RUFY2: variants seen among roughly 807,000 people sequenced by gnomAD.
RUFY2 encodes RUN and FYVE domain containing 2, also known as RUN and FYVE domain-containing protein 2.
RUFY2 carries 49 observed loss-of-function variants against 94.4 expected under a neutral mutation model. The ratio of observed to expected loss-of-function variants is 0.52; its 90% CI spans 0.41 to 0.66. The LOEUF is 0.66. RUFY2 is among the 30% of genes least tolerant of loss of function. The pLI, the probability that RUFY2 is intolerant of heterozygous loss-of-function variation, is 0.00. For synonymous variants in RUFY2, 255 were observed against 235.7 expected (o/e 1.08, Z -0.75); for missense variants, 541 against 692.8 (o/e 0.78, Z 2.46).
At chr10:68,364,932 C>A (rs7068326) in intron 13 of RUFY2, among the ~76,000 whole-genome samples, 16,289 of 150,876 alleles carry the variant, frequency 0.11, 1,048 homozygotes, top group South Asian at 0.25. Flanking sequence ...AAAAAAAAAA[C>A]AAACACAAAT....
Position 68,406,742 on chromosome 10 carries a change from C to G in RUFY2, c.4+444G>C, listed in dbSNP as rs372882905. 9.0e-5 allele frequency: 145 copies of G among 1,603,350 alleles called. No homozygotes were observed. In the African/African-American group the frequency reaches 1.5e-3, roughly 16 times the overall value. On this transcript the variant is annotated intron_variant, in intron 1 of 17. Transcript: ENST00000602465. ...GCCTGGGGGCCCCCCAGGACCATCG[C>G]GGCGGGCTCACCCAGGCTCCTGCGC...
chr10:68,341,722 G>T, downstream of RUFY2: 1 of 1,580,732 alleles, frequency 6.3e-7, no homozygotes, highest in Non-Finnish European at 8.6e-7. Context: ...GCTGCTTATC[G>T]ATGAGTCTCA....
downstream of RUFY2, chr10:68,341,961 AAT>A (rs1491344391): frequency 6.2e-7 from 1 of 1,612,602 alleles, no homozygotes; most frequent in African/African-American, 1.3e-5. Flanking sequence ...AGTGATTCTT[AAT>A]ATCTTTTTCT....
chr10:68,359,862 T>C (rs564104026), intron 15 of RUFY2, among the ~76,000 whole-genome samples: 2 of 151,228 alleles, frequency 1.3e-5, no homozygotes, highest in Admixed American at 1.3e-4. Flanking sequence ...AATTAGACTG[T>C]CTAATAATTA....
At chr10:68,366,779 AAAT>A (rs1362130816) in intron 13 of RUFY2, among the ~76,000 whole-genome samples, 4 of 113,384 alleles carry the variant, frequency 3.5e-5, no homozygotes, top group African/African-American at 1.3e-4. Flanking sequence ...TATATTAAAT[AAAT>A]AATTAATAAT....
At chr10:68,362,395 C>T (rs1186703280) in intron 15 of RUFY2, among the ~76,000 whole-genome samples, 1 of 152,064 alleles carries the variant, frequency 6.6e-6, no homozygotes, top group Non-Finnish European at 1.5e-5. Flanking sequence ...GGCAGTGGTA[C>T]ATTCAATACT....
chr10:68,392,004 T>C (rs1032118192), intron 7 of RUFY2, among the ~76,000 whole-genome samples: 3 of 151,210 alleles, frequency 2.0e-5, no homozygotes, highest in African/African-American at 7.3e-5. Context: ...AAAAAAACTA[T>C]GCATCTCATA....
At chr10:68,392,574 G>A (rs1486227807) in intron 7 of RUFY2, among the ~76,000 whole-genome samples, 1 of 151,770 alleles carries the variant, frequency 6.6e-6, no homozygotes, top group East Asian at 1.9e-4. Context: ...TTTGTCAAGG[G>A]TACAGCAATA....
Position 68,376,442 on chromosome 10 carries a change from GTATATATATATATATA to G in RUFY2, c.1325+395_1325+410del, listed in dbSNP as rs764172830. Among the ~76,000 whole-genome samples the G allele has an allele frequency of 1.5e-3, 41 of 27,966 alleles. 1 individual carries two copies. The highest frequency in any genetic ancestry group is 2.6e-3 in the African/African-American group (35 of 13,612). 18.3% of individuals were successfully genotyped at this position (27,966 alleles called of 152,430 possible). A position where few individuals can be genotyped will look rare whatever the true frequency, so the allele number is the denominator to read the frequency against. The stretch of plus-strand genomic sequence containing the variant: ...GAAACTTCATCTCAAAAAAATGTGT[GTATATATATATATATA>G]TATATATATATATATATATATATAT... On this transcript the variant is annotated intron_variant, in intron 13 of 17. Transcript: ENST00000602465.
At chr10:68,367,024 T>C (rs981565818) in intron 13 of RUFY2, among the ~76,000 whole-genome samples, 2 of 150,974 alleles carry the variant, frequency 1.3e-5, no homozygotes, top group African/African-American at 4.9e-5. Context: ...AAAAATTATC[T>C]GGGCGTGGTG....
At chr10:68,402,062 T>C (rs914425449) in intron 2 of RUFY2, among the ~76,000 whole-genome samples, 2 of 152,152 alleles carry the variant, frequency 1.3e-5, no homozygotes, top group Non-Finnish European at 2.9e-5. Flanking sequence ...CTGATTGATC[T>C]TTATAAGTTT....
chr10:68,372,583 TAAAA>T (rs770098226), intron 13 of RUFY2, among the ~76,000 whole-genome samples: 188 of 96,360 alleles, frequency 2.0e-3, no homozygotes, highest in African/African-American at 7.1e-3. Context: ...CCTCTCTCTT[TAAAA>T]AAAAAAAAAA....
intron 7 of RUFY2, among the ~76,000 whole-genome samples, chr10:68,388,667 T>C (rs752806945): frequency 1.7e-4 from 25 of 151,364 alleles, no homozygotes; most frequent in Admixed American, 7.2e-4. Context: ...AAACCCCAGC[T>C]CTATGAAAAA....
In RUFY2 at chr10:68,344,842, C is replaced by T. The variant is rs1276826647; in HGVS notation, c.*926G>A. On this transcript the variant is annotated 3_prime_UTR_variant, in exon 18 of 18. Coordinates refer to ENST00000602465, the MANE Select transcript of RUFY2 (RefSeq NM_001330103.2). Reference sequence around the variant, plus strand: ...ATTTACTCCAATGAAAATGTTAATACAAAATTTTTTGAACTGAACTCTAAT... The same window carrying T: ...ATTTACTCCAATGAAAATGTTAATATAAAATTTTTTGAACTGAACTCTAAT... 6.6e-6 allele frequency: 1 copy of T among 152,160 alleles called. No homozygotes were observed. The highest frequency in any genetic ancestry group is 2.4e-5 in the African/African-American group (1 of 41,432). The allele number at this position is 152,160 out of a possible 1,614,324, so 9.4% of individuals were successfully genotyped here. A position where few individuals can be genotyped will look rare whatever the true frequency, so the allele number is the denominator to read the frequency against.
chr10:68,358,941 T>C (rs1167600225), intron 15 of RUFY2, among the ~76,000 whole-genome samples: 1 of 152,160 alleles, frequency 6.6e-6, no homozygotes, highest in Non-Finnish European at 1.5e-5. Flanking sequence ...TTTATGATAA[T>C]TTACTGGTAT....
chr10:68,394,164 T>G, intron 5 of RUFY2, 28 bp from the exon 6 acceptor site: 1 of 1,486,672 alleles, frequency 6.7e-7, no homozygotes, highest in Non-Finnish European at 9.0e-7. Context: ...TTTTTTAATT[T>G]AAAGGGGAGA....
intron 13 of RUFY2, among the ~76,000 whole-genome samples, chr10:68,374,879 A>G (rs1056709897): frequency 3.3e-5 from 5 of 152,096 alleles, no homozygotes; most frequent in African/African-American, 1.2e-4. Context: ...GTCAACCTCA[A>G]CCTGCCAGCA....
intron 15 of RUFY2, among the ~76,000 whole-genome samples, chr10:68,362,304 G>A (rs576285811): frequency 1.3e-5 from 2 of 152,138 alleles, no homozygotes; most frequent in Non-Finnish European, 2.9e-5. Context: ...CTCCAGCCTG[G>A]GCAACTTGAG....
intron 6 of RUFY2, among the ~76,000 whole-genome samples, chr10:68,393,557 G>A: frequency 6.6e-6 from 1 of 151,960 alleles, no homozygotes; most frequent in Admixed American, 6.6e-5. Context: ...GTGAAACCCT[G>A]TCTCTACTAA....
Sources: gnomAD v4.1 joint callset for allele counts (sites outside exome capture counted in the v4.1 genomes callset) on GRCh38, gnomAD v4.1.1 for gene constraint, MANE v1.5 for transcripts, NCBI Gene and HGNC (gene_info 2026-07-23, HGNC 2026-07-21) for gene names.